The following ANKS1B variants were observed in gnomAD, a reference collection of about 807,000 sequenced individuals.
ANKS1B encodes ankyrin repeat and sterile alpha motif domain-containing protein 1B.
In ANKS1B, 36 loss-of-function variants were observed where a neutral mutation model predicts 148.3. The observed-to-expected ratio is 0.24, with a 90% CI of 0.19 to 0.32. The LOEUF is 0.32. ANKS1B is among the 10% of genes least tolerant of loss of function. The pLI, the probability that ANKS1B is intolerant of heterozygous loss-of-function variation, is 1.00. For synonymous variants in ANKS1B, 542 were observed against 560.8 expected (o/e 0.97, Z 0.47); for missense variants, 1,157 against 1,542.6 (o/e 0.75, Z 4.19).
intron 1 of ANKS1B, among the ~76,000 whole-genome samples, chr12:99,836,687 A>G (rs543753916): frequency 6.6e-6 from 1 of 152,316 alleles, no homozygotes; most frequent in Admixed American, 6.5e-5. Context: ...GAGGAAAACT[A>G]GAGCATCTAT....
intron 17 of ANKS1B, chr12:99,048,791 T>G (rs1464855516): frequency 6.6e-6 from 1 of 152,288 alleles, no homozygotes; most frequent in Non-Finnish European, 1.5e-5. Flanking sequence ...TCCCAAAACT[T>G]GGGCTGGCTG....
At chr12:99,740,390 A>C (rs1411610671) in intron 8 of ANKS1B, among the ~76,000 whole-genome samples, 1 of 152,220 alleles carries the variant, frequency 6.6e-6, no homozygotes, top group Non-Finnish European at 1.5e-5. Context: ...AATAAATATT[A>C]TAATGCAGCA....
intron 17 of ANKS1B, among the ~76,000 whole-genome samples, chr12:98,924,359 A>G (rs1310220853): frequency 6.6e-6 from 1 of 152,222 alleles, no homozygotes; most frequent in Non-Finnish European, 1.5e-5. Context: ...GGTAGATAGT[A>G]CAGGTTTTAA....
intron 24 of ANKS1B, 130 bp downstream of exon 24, chr12:98,780,987 G>A: frequency 1.6e-6 from 1 of 614,454 alleles, no homozygotes. Context: ...GTATATGTAG[G>A]AAGCATGAAG....
intron 9 of ANKS1B, among the ~76,000 whole-genome samples, chr12:99,550,249 A>C (rs1372455865): frequency 1.3e-5 from 2 of 152,240 alleles, no homozygotes; most frequent in African/African-American, 4.8e-5. Flanking sequence ...AAAGCATAGA[A>C]ACATAACTAG....
At chr12:98,966,859 A>G (rs2099878416) in intron 17 of ANKS1B, among the ~76,000 whole-genome samples, 1 of 133,272 alleles carries the variant, frequency 7.5e-6, no homozygotes, top group African/African-American at 2.8e-5. Flanking sequence ...TGGACACAGG[A>G]AGGGGAACAT....
chr12:98,808,308 G>A (rs1156904262), intron 19 of ANKS1B, among the ~76,000 whole-genome samples: 5 of 152,088 alleles, frequency 3.3e-5, no homozygotes, highest in Admixed American at 1.3e-4. Context: ...ACACAGGTCC[G>A]ATATTTTTAT....
chr12:99,360,172 G>A (rs1176863085), intron 12 of ANKS1B, among the ~76,000 whole-genome samples: 1 of 152,108 alleles, frequency 6.6e-6, no homozygotes, highest in Non-Finnish European at 1.5e-5. Flanking sequence ...CATTAATTGT[G>A]GAGAACAGTA....
chr12:99,648,055 C>A, intron 9 of ANKS1B: 2 of 1,387,066 alleles, frequency 1.4e-6, no homozygotes, highest in South Asian at 1.5e-5. Context: ...AAAAAGAAAG[C>A]CTGCAGAACA....
At chr12:99,397,088 A>G (rs1391547187) in intron 12 of ANKS1B, among the ~76,000 whole-genome samples, 1 of 152,168 alleles carries the variant, frequency 6.6e-6, no homozygotes, top group African/African-American at 2.4e-5. Context: ...TTTAGTACAT[A>G]GCAGACAATA....
chr12:99,979,216 G>C (rs779139936), intron 1 of ANKS1B, among the ~76,000 whole-genome samples: 29 of 151,978 alleles, frequency 1.9e-4, no homozygotes, highest in Admixed American at 3.9e-4. Context: ...AGGATGAAAG[G>C]GGGTAGTAAG....
At chr12:98,925,506 A>G (rs1454826000) in intron 17 of ANKS1B, among the ~76,000 whole-genome samples, 3 of 152,190 alleles carry the variant, frequency 2.0e-5, no homozygotes, top group Non-Finnish European at 2.9e-5. Flanking sequence ...GTCAAAATCA[A>G]CTTCTTAAGA....
chr12:98,792,423 C>G (rs574533180), intron 22 of ANKS1B, among the ~76,000 whole-genome samples: 2 of 152,046 alleles, frequency 1.3e-5, no homozygotes, highest in Non-Finnish European at 2.9e-5. Flanking sequence ...ATACCTGGAA[C>G]CTTAAACAGT....
chr12:99,769,864 A>G (rs1567813852), intron 8 of ANKS1B, among the ~76,000 whole-genome samples: 1 of 152,228 alleles, frequency 6.6e-6, no homozygotes, highest in Non-Finnish European at 1.5e-5. Context: ...ACTAATTCTC[A>G]TCTCTGTGCT....
chr12:98,805,307 C>CTTTT (rs35982671), intron 20 of ANKS1B, among the ~76,000 whole-genome samples: 1 of 149,938 alleles, frequency 6.7e-6, no homozygotes, highest in Non-Finnish European at 1.5e-5. Context: ...TGCTTAAGGC[C>CTTTT]TTTTTTTTTA....
At chr12:99,185,257 T>G (rs1245858554) in intron 14 of ANKS1B, among the ~76,000 whole-genome samples, 2 of 152,304 alleles carry the variant, frequency 1.3e-5, no homozygotes, top group Admixed American at 1.3e-4. Context: ...AAAAATTATG[T>G]ATGAGAGGCT....
intron 1 of ANKS1B, among the ~76,000 whole-genome samples, chr12:99,910,354 CA>C (rs57222450): frequency 8.4e-4 from 43 of 51,098 alleles, no homozygotes; most frequent in East Asian, 2.7e-3. Flanking sequence ...GACTCCATCT[CA>C]AAAAAAAAAA....
intron 13 of ANKS1B, among the ~76,000 whole-genome samples, chr12:99,245,726 G>T (rs910687642): frequency 2.0e-5 from 3 of 152,232 alleles, no homozygotes; most frequent in African/African-American, 7.2e-5. Flanking sequence ...AACTGAAATT[G>T]GTGATATTTG....
chr12:98,995,194 T>C (rs575225574), intron 17 of ANKS1B, among the ~76,000 whole-genome samples: 23 of 152,204 alleles, frequency 1.5e-4, no homozygotes, highest in Non-Finnish European at 3.2e-4. Flanking sequence ...CGACATATAT[T>C]GAGTCTTACC....
Sources: allele counts gnomAD v4.1 joint callset (sites outside exome capture counted in the v4.1 genomes callset), GRCh38; gene constraint gnomAD v4.1.1; transcripts MANE v1.5; gene names NCBI Gene and HGNC (gene_info 2026-07-23, HGNC 2026-07-21).